Variants in CADPS observed in about 807,000 individuals in gnomAD.
CADPS encodes the protein calcium dependent secretion activator.
In CADPS, 57 loss-of-function variants were observed where a neutral mutation model predicts 167.3. The observed-to-expected ratio is 0.34, with a 90% CI of 0.28 to 0.42. The LOEUF is 0.42. Ranked by LOEUF, CADPS falls within the 20% of genes least tolerant of loss-of-function variation. CADPS has a pLI of 1.00. For synonymous variants in CADPS, 676 were observed against 635.3 expected (o/e 1.06, Z -0.96); for missense variants, 1,414 against 1,738.1 (o/e 0.81, Z 3.32).
At chr3:62,866,932 T>C (rs2081806236) in intron 1 of CADPS, among the ~76,000 whole-genome samples, 1 of 152,018 alleles carries the variant, frequency 6.6e-6, no homozygotes, top group African/African-American at 2.4e-5. Context: ...ACCAGGAATT[T>C]GAACCAGGGA....
chr3:62,748,865 A>C (rs916674927), intron 3 of CADPS, among the ~76,000 whole-genome samples: 1 of 152,050 alleles, frequency 6.6e-6, no homozygotes, highest in Non-Finnish European at 1.5e-5. Flanking sequence ...ATGCCACCAC[A>C]CCCAGCTAGT....
chr3:62,737,549 T>C (rs528148099), intron 3 of CADPS, among the ~76,000 whole-genome samples: 104 of 152,262 alleles, frequency 6.8e-4, no homozygotes, highest in African/African-American at 2.3e-3. Context: ...CATCTTTCCT[T>C]CCACTGGGCA....
intron 1 of CADPS, among the ~76,000 whole-genome samples, chr3:62,852,815 T>C (rs1233322428): frequency 1.3e-5 from 2 of 152,202 alleles, no homozygotes; most frequent in African/African-American, 4.8e-5. Flanking sequence ...CTGACATTTT[T>C]CCCTCAACAC....
chr3:62,512,707 C>T, intron 17 of CADPS, 44 bp downstream of exon 17: 1 of 1,525,594 alleles, frequency 6.6e-7, no homozygotes, highest in Non-Finnish European at 9.0e-7. Context: ...CTGAATGTAA[C>T]TCAACAGTCC....
intron 3 of CADPS, among the ~76,000 whole-genome samples, chr3:62,686,033 T>A (rs2077967916): frequency 1.3e-5 from 2 of 152,078 alleles, no homozygotes; most frequent in Non-Finnish European, 1.5e-5. Flanking sequence ...ATGATGGACA[T>A]ACTAATTACC....
intron 6 of CADPS, among the ~76,000 whole-genome samples, chr3:62,638,236 T>A (rs114389254): frequency 0.012 from 1,802 of 152,188 alleles, 38 homozygotes; most frequent in African/African-American, 0.042. Flanking sequence ...GACACCATAC[T>A]GCTTGTGAAC....
At chr3:62,607,513 A>C (rs1233637881) in intron 6 of CADPS, among the ~76,000 whole-genome samples, 11 of 152,238 alleles carry the variant, frequency 7.2e-5, no homozygotes, top group Non-Finnish European at 1.3e-4. Flanking sequence ...CCTCAGTAGC[A>C]CTTGAGTGTC....
At chr3:62,486,165 G>A (rs1187979560) in intron 21 of CADPS, among the ~76,000 whole-genome samples, 1 of 152,092 alleles carries the variant, frequency 6.6e-6, no homozygotes, top group South Asian at 2.1e-4. Context: ...AGATATTGAT[G>A]GCCAGGTGCA....
At chr3:62,774,707 G>A (rs2089833056) in intron 1 of CADPS, among the ~76,000 whole-genome samples, 1 of 152,208 alleles carries the variant, frequency 6.6e-6, no homozygotes, top group Non-Finnish European at 1.5e-5. Context: ...TTTTAGAGAT[G>A]AGTAGAGGAC....
At chr3:62,491,513 C>G (rs2063684387) in intron 20 of CADPS, 33 bp from the exon 21 acceptor site, 1 of 1,586,058 alleles carries the variant, frequency 6.3e-7, no homozygotes, top group Admixed American at 1.7e-5. Context: ...TGTTAAGAAC[C>G]CACAGCTACT....
chr3:62,426,154 T>G (rs1382161844), intron 28 of CADPS, among the ~76,000 whole-genome samples: 1 of 152,102 alleles, frequency 6.6e-6, no homozygotes, highest in African/African-American at 2.4e-5. Context: ...TGTTGTTTTT[T>G]ATTTATTTAT....
chr3:62,491,629 A>G, intron 20 of CADPS, 149 bp from the exon 21 acceptor site: 1 of 634,958 alleles, frequency 1.6e-6, no homozygotes, highest in Non-Finnish European at 2.5e-6. Context: ...CTTCTAAGGA[A>G]GCCAAAAAGA....
intron 6 of CADPS, among the ~76,000 whole-genome samples, chr3:62,623,690 C>G (rs1273980263): frequency 2.0e-5 from 3 of 152,078 alleles, no homozygotes; most frequent in Non-Finnish European, 4.4e-5. Flanking sequence ...TCTGAGCTAA[C>G]CCTTAGGTAA....
At chr3:62,623,612 T>C (rs1279216490) in intron 6 of CADPS, among the ~76,000 whole-genome samples, 1 of 152,168 alleles carries the variant, frequency 6.6e-6, no homozygotes, top group Non-Finnish European at 1.5e-5. Flanking sequence ...TCCTTCTGCA[T>C]GCTAGCTGTA....
intron 6 of CADPS, among the ~76,000 whole-genome samples, chr3:62,629,272 T>A (rs184090331): frequency 9.2e-5 from 14 of 152,306 alleles, no homozygotes; most frequent in Non-Finnish European, 1.3e-4. Context: ...TTGTGTCTGT[T>A]TGTAGTCAAC....
intron 3 of CADPS, among the ~76,000 whole-genome samples, chr3:62,739,244 A>G (rs900970532): frequency 6.6e-6 from 1 of 152,216 alleles, no homozygotes; most frequent in Non-Finnish European, 1.5e-5. Context: ...GAATCATTCC[A>G]ACTGAAGTTA....
chr3:62,776,655 AAAC>A lies in CADPS; in HGVS notation c.442-10674_442-10672del, dbSNP rs773417197. Among the ~76,000 whole-genome samples, 20 of 152,130 alleles carry A rather than the reference AAAC, an allele frequency of 1.3e-4. No individual in the cohort carries two copies. The East Asian group carries it at 1.7e-3, about 13-fold the overall frequency. On this transcript the variant is annotated intron_variant, in intron 1 of 29. Transcript: ENST00000383710. ...GACAACAGAGAGAGACTCCATCTCAAAACAACAACAACAACAACAACAAAAGCA... is the reference window on the plus strand; with the variant it reads ...GACAACAGAGAGAGACTCCATCTCAAAACAACAACAACAACAACAAAAGCA...
intron 1 of CADPS, among the ~76,000 whole-genome samples, chr3:62,838,990 C>T (rs2076271786): frequency 6.6e-6 from 1 of 152,216 alleles, no homozygotes; most frequent in African/African-American, 2.4e-5. Flanking sequence ...CCTGAAGGAA[C>T]TCATGGCCTG....
chr3:62,499,450 T>C, intron 17 of CADPS, 182 bp from the exon 18 acceptor site: 1 of 464,806 alleles, frequency 2.2e-6, no homozygotes, highest in South Asian at 2.7e-5. Flanking sequence ...ATTATCACCA[T>C]TATTATAATA....
Sources: gnomAD v4.1 joint callset for allele counts (sites outside exome capture counted in the v4.1 genomes callset) on GRCh38, gnomAD v4.1.1 for gene constraint, MANE v1.5 for transcripts, NCBI Gene and HGNC (gene_info 2026-07-23, HGNC 2026-07-21) for gene names.